The following XRRA1 variants were observed in gnomAD, a reference collection of about 807,000 sequenced individuals.
The protein encoded by XRRA1 is X-ray radiation resistance-associated protein 1.
In XRRA1, 69 loss-of-function variants were observed where a neutral mutation model predicts 80.2. The ratio of observed to expected loss-of-function variants is 0.86; its 90% CI spans 0.71 to 1.05. The LOEUF (loss-of-function observed/expected upper bound fraction) is 1.05. XRRA1 is among the 50% of genes least tolerant of loss of function. The pLI is 0.00. For missense variants in XRRA1, 967 were observed against 976.4 expected (o/e 0.99, Z 0.13); for synonymous variants, 348 against 389.9 (o/e 0.89, Z 1.27).
At chr11:74,886,543 G>A (rs1454185562) in intron 10 of XRRA1, among the ~76,000 whole-genome samples, 2 of 148,492 alleles carry the variant, frequency 1.3e-5, no homozygotes, top group African/African-American at 5.0e-5. Flanking sequence ...TATAAAACAC[G>A]GCTTAAAAAA....
At chr11:74,886,516 A>G (rs185507084) in intron 10 of XRRA1, among the ~76,000 whole-genome samples, 1 of 152,206 alleles carries the variant, frequency 6.6e-6, no homozygotes, top group East Asian at 1.9e-4. Flanking sequence ...AAGGTGAAAG[A>G]GCTCTACAAC....
At chr11:74,905,049 A>T (rs189948155) in intron 10 of XRRA1, among the ~76,000 whole-genome samples, 1 of 152,204 alleles carries the variant, frequency 6.6e-6, no homozygotes, top group Non-Finnish European at 1.5e-5. Context: ...GCCCTTTATT[A>T]AGTTGTTACT....
chr11:74,930,424 G>T, intron 5 of XRRA1, 52 bp from the exon 6 acceptor site: 1 of 1,413,538 alleles, frequency 7.1e-7, no homozygotes, highest in Non-Finnish European at 9.5e-7. Context: ...TTAGTTCCCT[G>T]CCTAGAAGCC....
At chr11:74,902,883 C>G (rs2053830712) in intron 10 of XRRA1, among the ~76,000 whole-genome samples, 1 of 152,048 alleles carries the variant, frequency 6.6e-6, no homozygotes, top group African/African-American at 2.4e-5. Context: ...GTCAATAATA[C>G]TTTAATTTAA....
At chr11:74,853,704 T>A (rs918765889) in intron 12 of XRRA1, among the ~76,000 whole-genome samples, 3 of 152,240 alleles carry the variant, frequency 2.0e-5, no homozygotes, top group African/African-American at 7.2e-5. Context: ...TTAAGATGTT[T>A]AAGTTTGTTG....
chr11:74,858,470 C>T (rs2041621038), intron 12 of XRRA1, among the ~76,000 whole-genome samples: 1 of 152,334 alleles, frequency 6.6e-6, no homozygotes, highest in Admixed American at 6.5e-5. Context: ...TTAGCTGTAT[C>T]AGCTGCTTGC....
At position 74,929,565 on chromosome 11, in the gene XRRA1, T is replaced by A. The variant is rs141653023; in HGVS notation, c.424+735A>T. 4.2e-3 allele frequency among the ~76,000 whole-genome samples: 636 copies of A among 152,332 alleles called. 3 individuals carry two copies. Among genetic ancestry groups the A allele is most frequent in the Non-Finnish European group, 6.0e-3 (411 of 68,022 alleles). On this transcript the variant is annotated intron_variant, in intron 6 of 18. Transcript: ENST00000684022. ...TGTCTAGTTTCAATTGTCCCCCACA[T>A]GCTTCCCTTGCAAGCATACAAAACC...
intron 10 of XRRA1, among the ~76,000 whole-genome samples, chr11:74,897,706 TA>T (rs61193896): frequency 1.4e-3 from 116 of 84,422 alleles, no homozygotes; most frequent in African/African-American, 2.3e-3. Flanking sequence ...TTTAAACTGC[TA>T]AAAAAAAAAA....
chr11:74,941,475 C>T (rs76639031), intron 2 of XRRA1, among the ~76,000 whole-genome samples: 5,147 of 152,156 alleles, frequency 0.034, 300 homozygotes, highest in African/African-American at 0.12. Flanking sequence ...AGGAGGGCAG[C>T]TGTGCACAGT....
intron 14 of XRRA1, 64 bp downstream of exon 14, chr11:74,851,023 GT>G: frequency 7.5e-7 from 1 of 1,331,406 alleles, no homozygotes; most frequent in Non-Finnish European, 1.0e-6. Flanking sequence ...AGCCAGGTTG[GT>G]TTGCATACAT....
chr11:74,851,271 G>A, intron 13 of XRRA1, 68 bp from the exon 14 acceptor site: 1 of 1,221,062 alleles, frequency 8.2e-7, no homozygotes, highest in Admixed American at 2.5e-5. Flanking sequence ...CTATGTGCCA[G>A]GCACTATTCA....
chr11:74,880,440 GT>G (rs1206218346), intron 10 of XRRA1, among the ~76,000 whole-genome samples: 1 of 149,952 alleles, frequency 6.7e-6, no homozygotes, highest in Non-Finnish European at 1.5e-5. Context: ...TTTTTGAAGG[GT>G]TTTTTGTGTC....
intron 5 of XRRA1, 56 bp downstream of exon 5, chr11:74,933,745 G>C (rs1025193805): frequency 2.1e-5 from 32 of 1,512,520 alleles, no homozygotes; most frequent in African/African-American, 2.8e-5. Flanking sequence ...ACAACAGCCA[G>C]GTGCGCCACC....
At chr11:74,866,805 AAAGG>A (rs2043543134) in intron 10 of XRRA1, among the ~76,000 whole-genome samples, 1 of 152,176 alleles carries the variant, frequency 6.6e-6, no homozygotes, top group Non-Finnish European at 1.5e-5. Flanking sequence ...AGAGGAGAAA[AAAGG>A]AAGAAGAATG....
At chr11:74,894,131 A>G (rs2051584651) in intron 10 of XRRA1, among the ~76,000 whole-genome samples, 1 of 152,208 alleles carries the variant, frequency 6.6e-6, no homozygotes, top group Non-Finnish European at 1.5e-5. Flanking sequence ...TGAGCTGGAG[A>G]CCATTATCCT....
intron 10 of XRRA1, among the ~76,000 whole-genome samples, chr11:74,900,803 C>G (rs2053445009): frequency 6.6e-6 from 1 of 152,164 alleles, no homozygotes; most frequent in Non-Finnish European, 1.5e-5. Context: ...AAGAACCACA[C>G]CTCAACATAT....
intron 10 of XRRA1, among the ~76,000 whole-genome samples, chr11:74,878,974 A>C (rs1235727326): frequency 6.6e-6 from 1 of 150,572 alleles, no homozygotes; most frequent in Non-Finnish European, 1.5e-5. Flanking sequence ...TATGAACTTT[A>C]AAGTAGTTTT....
Position 74,949,089 on chromosome 11 carries a change from A to T in XRRA1, c.-234T>A. On this transcript the variant is annotated 5_prime_UTR_variant, in exon 1 of 19. Coordinates refer to ENST00000684022, the MANE Select transcript of XRRA1 (RefSeq NM_001378157.1). ...TAGTAACTGCGACGCGACGGCAGAC[A>T]GTGTAGGCGGCAACCGACGGCCGGG... 2.0e-6 allele frequency: 1 copy of T among 500,252 alleles called. No individual in the cohort carries two copies. The allele number at this position is 500,252 out of a possible 1,614,324, so 31.0% of individuals were successfully genotyped here.
intron 10 of XRRA1, among the ~76,000 whole-genome samples, chr11:74,889,073 G>A (rs992360048): frequency 4.6e-5 from 7 of 152,096 alleles, no homozygotes; most frequent in African/African-American, 7.2e-5. Flanking sequence ...GATACTCCTC[G>A]AGAAGAGCAA....
Sources: gnomAD v4.1 joint callset for allele counts (sites outside exome capture counted in the v4.1 genomes callset) on GRCh38, gnomAD v4.1.1 for gene constraint, MANE v1.5 for transcripts, NCBI Gene and HGNC (gene_info 2026-07-23, HGNC 2026-07-21) for gene names.